Variants in TIPARP observed in about 807,000 individuals in gnomAD.
The protein encoded by TIPARP is TCDD inducible poly(ADP-ribose) polymerase, also known as protein mono-ADP-ribosyltransferase TIPARP.
In TIPARP, 12 loss-of-function variants were observed where a neutral mutation model predicts 56.5. That is an observed-to-expected ratio of 0.21 (90% CI 0.14 to 0.34). The LOEUF is 0.34. Ranked by LOEUF, TIPARP falls within the 10% of genes least tolerant of loss-of-function variation. The probability of loss-of-function intolerance (pLI) is 1.00; values close to 1 mark genes in which losing one functional copy is unlikely to be tolerated. For missense variants in TIPARP, 604 were observed against 781.6 expected, an observed-to-expected ratio of 0.77 and a Z score of 2.71; for synonymous variants, 296 against 265.7, an observed-to-expected ratio of 1.11 and a Z score of -1.11.
rs1377733974 is a variant in TIPARP, at chr3:156,678,186, T to C, written c.489T>C (p.Leu163=). The change falls in exon 2 of 6, where the codon CTT becomes CTC. Residue 163 remains leucine (L), a synonymous_variant. Transcript: ENST00000295924. ...DSTPAHFQTD[L]LHPVSSDVPT... ...CACCAGCTCACTTCCAGACTGATCTTTTGCACCCAGTTTCAAGTGATGTTC... is the reference window on the plus strand; with the variant it reads ...CACCAGCTCACTTCCAGACTGATCTCTTGCACCCAGTTTCAAGTGATGTTC... The C allele has an allele frequency of 1.9e-6, 3 of 1,614,014 alleles. No homozygotes were observed. The highest frequency in any genetic ancestry group is 2.5e-6 in the Non-Finnish European group (3 of 1,180,040).
At position 156,696,041 on chromosome 3, in the gene TIPARP, GAAGTT is replaced by G. The variant is rs781534391; in HGVS notation, c.1247+17_1247+21del. On this transcript the variant is annotated intron_variant, in intron 4 of 5. Coordinates refer to ENST00000295924, the MANE Select transcript of TIPARP (RefSeq NM_015508.5). Reference sequence around the variant, plus strand: ...CATATTTACAGTAAGTGTCGAGTATGAAGTTGCAATATTTACTCTCATTTTATGTA... The same window carrying G: ...CATATTTACAGTAAGTGTCGAGTATGGCAATATTTACTCTCATTTTATGTA... 2.6e-5 allele frequency: 42 copies of G among 1,597,784 alleles called. No individual in the cohort carries two copies. Among genetic ancestry groups the G allele is most frequent in the Non-Finnish European group, 3.4e-5 (40 of 1,175,404 alleles).
In TIPARP at chr3:156,680,311, C is replaced by T. The variant is rs189892500; in HGVS notation, c.917+1697C>T. Among the ~76,000 whole-genome samples the T allele has an allele frequency of 4.6e-5, 7 of 151,850 alleles. No homozygotes were observed. In the East Asian group the frequency reaches 9.6e-4, roughly 21 times the overall value. On this transcript the variant is annotated intron_variant, in intron 2 of 5. Transcript: ENST00000295924. The stretch of plus-strand genomic sequence containing the variant: ...GTACTTTTAACTTATTTTTTTAAGC[C>T]GGCATTGGAAGAGAAAAATGTTTTT...
intron 2 of TIPARP, among the ~76,000 whole-genome samples, chr3:156,691,545 T>A (rs1223174159): frequency 6.6e-6 from 1 of 152,140 alleles, no homozygotes; most frequent in Non-Finnish European, 1.5e-5. Context: ...CATACATAGA[T>A]GACTCATAAT....
At position 156,705,069 on chromosome 3, in the gene TIPARP, G is replaced by T; in HGVS notation, c.1912G>T (p.Asp638Tyr). The T allele has an allele frequency of 1.2e-6, 2 of 1,613,866 alleles. No homozygotes were observed. The highest frequency in any genetic ancestry group is 2.2e-5 in the South Asian group (2 of 90,996). Reference protein sequence around the residue: ...EPQIFVIFNDDQSYPYFVIQY... With the variant: ...EPQIFVIFNDYQSYPYFVIQY... ...TCAGATTTTTGTCATTTTTAATGAT[G>T]ACCAGAGTTACCCTTATTTTGTTAT... is the stretch of plus-strand genomic sequence containing the variant. The change falls in exon 6 of 6, where the codon GAC becomes TAC. Residue 638 changes from aspartate to tyrosine, a missense_variant. Coordinates refer to ENST00000295924, the MANE Select transcript of TIPARP (RefSeq NM_015508.5).
At chr3:156,697,394 C>T (rs1395858527) in intron 4 of TIPARP, among the ~76,000 whole-genome samples, 1 of 146,436 alleles carries the variant, frequency 6.8e-6, no homozygotes, top group African/African-American at 2.5e-5. Flanking sequence ...GTTTTTATCT[C>T]ATGATAAGTA....
chr3:156,705,221 A>C lies in TIPARP; in HGVS notation c.*90A>C. 3 of 817,206 alleles carry C rather than the reference A, an allele frequency of 3.7e-6. No individual in the cohort carries two copies. The highest frequency in any genetic ancestry group is 2.9e-5 in the East Asian group (1 of 34,832). 50.6% of individuals were successfully genotyped at this position (817,206 alleles called of 1,614,324 possible). ...TGGGTGGGACTGGGTGGGGAACAGC[A>C]TTGGACATTAATAGGGCACTTTTCA... On this transcript the variant is annotated 3_prime_UTR_variant, in exon 6 of 6. Transcript: ENST00000295924.
chr3:156,703,355 G>A, intron 4 of TIPARP, 69 bp from the exon 5 acceptor site: 2 of 1,483,210 alleles, frequency 1.3e-6, no homozygotes, highest in Non-Finnish European at 1.8e-6. Flanking sequence ...CACTGATATA[G>A]ATCACTATAA....
In TIPARP at chr3:156,696,039, A is replaced by G. The variant is rs376739234; in HGVS notation, c.1247+14A>G. 6.3e-7 allele frequency: 1 copy of G among 1,599,292 alleles called. No homozygotes were observed. The highest frequency in any genetic ancestry group is 1.4e-5 in the African/African-American group (1 of 73,816). ...TCCATATTTACAGTAAGTGTCGAGT[A>G]TGAAGTTGCAATATTTACTCTCATT... On this transcript the variant is annotated intron_variant, in intron 4 of 5. Coordinates refer to ENST00000295924, the MANE Select transcript of TIPARP (RefSeq NM_015508.5).
chr3:156,702,364 G>A (rs1722871343), intron 4 of TIPARP, among the ~76,000 whole-genome samples: 2 of 152,148 alleles, frequency 1.3e-5, no homozygotes, highest in Admixed American at 6.5e-5. Flanking sequence ...GGGTTATTGT[G>A]ACAATTAGTG....
intron 3 of TIPARP, among the ~76,000 whole-genome samples, 172 bp from the exon 4 acceptor site, chr3:156,695,693 C>T (rs1342838465): frequency 6.6e-6 from 1 of 151,906 alleles, no homozygotes; most frequent in Non-Finnish European, 1.5e-5. Flanking sequence ...TTCCACCCTA[C>T]ATACTTGGAA....
chr3:156,691,473 A>G (rs1722572731), intron 2 of TIPARP, among the ~76,000 whole-genome samples: 1 of 152,136 alleles, frequency 6.6e-6, no homozygotes, highest in African/African-American at 2.4e-5. Flanking sequence ...CCCCTGGAAG[A>G]CAGGGACTAC....
chr3:156,695,564 A>C (rs1466175353), intron 3 of TIPARP, among the ~76,000 whole-genome samples: 1 of 152,022 alleles, frequency 6.6e-6, no homozygotes, highest in Non-Finnish European at 1.5e-5. Context: ...AACTCCCTTA[A>C]GAAATATGAA....
At chr3:156,702,061 T>C (rs1577042889) in intron 4 of TIPARP, among the ~76,000 whole-genome samples, 1 of 128,170 alleles carries the variant, frequency 7.8e-6, no homozygotes, top group East Asian at 2.5e-4. Flanking sequence ...GTGGTGGTGG[T>C]GGTGGTGGTG....
At chr3:156,680,330 T>G (rs1162630278) in intron 2 of TIPARP, among the ~76,000 whole-genome samples, 1 of 152,100 alleles carries the variant, frequency 6.6e-6, no homozygotes, top group Non-Finnish European at 1.5e-5. Flanking sequence ...AAGAGAAAAA[T>G]GTTTTTCCAT....
intron 2 of TIPARP, among the ~76,000 whole-genome samples, chr3:156,682,749 T>G (rs1722338545): frequency 6.6e-6 from 1 of 152,194 alleles, no homozygotes; most frequent in Admixed American, 6.5e-5. Context: ...TACTATGCCT[T>G]GTGACTTTTT....
At chr3:156,686,130 G>C (rs1327194969) in intron 2 of TIPARP, among the ~76,000 whole-genome samples, 4 of 152,134 alleles carry the variant, frequency 2.6e-5, no homozygotes, top group African/African-American at 9.7e-5. Flanking sequence ...ACAGAGTCAG[G>C]GTAAAGTATG....
intron 2 of TIPARP, among the ~76,000 whole-genome samples, chr3:156,690,632 A>G (rs1722548943): frequency 6.6e-6 from 1 of 152,202 alleles, no homozygotes; most frequent in Admixed American, 6.5e-5. Context: ...CTTAATAGCA[A>G]AAATCAGCAG....
At chr3:156,681,307 A>G (rs1358489021) in intron 2 of TIPARP, 2 of 389,414 alleles carry the variant, frequency 5.1e-6, no homozygotes, top group East Asian at 8.1e-5. Flanking sequence ...AGCTGTGTAT[A>G]TGTCGAAGTT....
chr3:156,680,237 C>T (rs1722260379), intron 2 of TIPARP, among the ~76,000 whole-genome samples: 1 of 152,112 alleles, frequency 6.6e-6, no homozygotes, highest in Admixed American at 6.6e-5. Flanking sequence ...ATATATTACA[C>T]TCAAGATTCC....
Sources: allele counts gnomAD v4.1 joint callset (sites outside exome capture counted in the v4.1 genomes callset), GRCh38; gene constraint gnomAD v4.1.1; transcripts MANE v1.5; gene names NCBI Gene and HGNC (gene_info 2026-07-23, HGNC 2026-07-21).